PRKCA: variants seen among roughly 807,000 people sequenced by gnomAD.
PRKCA encodes protein kinase C alpha type.
In PRKCA, 27 loss-of-function variants were observed where a neutral mutation model predicts 87.0. The ratio of observed to expected loss-of-function variants is 0.31; its 90% CI spans 0.23 to 0.43. The LOEUF is 0.43. Among genes scored for constraint, PRKCA ranks in the 20% least tolerant of loss-of-function variants. PRKCA has a pLI of 1.00. For missense variants in PRKCA, 518 were observed against 852.3 expected (o/e 0.61, Z 4.88); for synonymous variants, 329 against 311.1 (o/e 1.06, Z -0.61).
intron 2 of PRKCA, among the ~76,000 whole-genome samples, chr17:66,339,550 A>G (rs1191771351): frequency 1.3e-5 from 2 of 152,232 alleles, no homozygotes; most frequent in African/African-American, 2.4e-5. Flanking sequence ...AACTGCTCCT[A>G]TAAAGCAAGT....
At chr17:66,794,435 C>A (rs1157719914) in intron 16 of PRKCA, among the ~76,000 whole-genome samples, 1 of 150,280 alleles carries the variant, frequency 6.7e-6, no homozygotes, top group African/African-American at 2.4e-5. Context: ...ATTTAATTAT[C>A]GAAGCTGGTG....
intron 3 of PRKCA, among the ~76,000 whole-genome samples, chr17:66,616,442 G>C (rs772281511): frequency 6.6e-6 from 1 of 152,180 alleles, no homozygotes; most frequent in Non-Finnish European, 1.5e-5. Flanking sequence ...GTGGCTTTGT[G>C]ATTTGTTTAC....
chr17:66,803,826 A>G lies in PRKCA; in HGVS notation c.1855-47A>G, dbSNP rs1236773220. 3.1e-6 allele frequency: 5 copies of G among 1,598,118 alleles called. No homozygotes were observed. The highest frequency in any genetic ancestry group is 4.3e-6 in the Non-Finnish European group (5 of 1,169,076). ...AGGGCCCTCGGAGAGCTGCTCCCGCATTGTCATGTTGACTGACCTTTCCTT... is the reference window on the plus strand; with the variant it reads ...AGGGCCCTCGGAGAGCTGCTCCCGCGTTGTCATGTTGACTGACCTTTCCTT... On this transcript the variant is annotated intron_variant, in intron 16 of 16. Coordinates refer to ENST00000413366, the MANE Select transcript of PRKCA (RefSeq NM_002737.3). This position sits in a 1 kb window ranked among gnomAD's most constrained non-coding sequence, Gnocchi z 4.4.
rs575450815 is a variant in PRKCA at position 66,545,345 on chromosome 17, C to T, written c.288+49062C>T. ...TCAGGAGGCTGAGGTAGGAGAATGG[C>T]GTGAACCCAAAAGGCGGAGCTTGCA... On this transcript the variant is annotated intron_variant, in intron 3 of 16. Transcript: ENST00000413366. Among the ~76,000 whole-genome samples the T allele has an allele frequency of 1.9e-4, 29 of 152,266 alleles. No individual in the cohort carries two copies. In the South Asian group the frequency reaches 5.6e-3, roughly 29 times the overall value.
intron 2 of PRKCA, among the ~76,000 whole-genome samples, chr17:66,409,053 A>AAAAG (rs1555599882): frequency 4.0e-5 from 6 of 151,110 alleles, no homozygotes; most frequent in South Asian, 2.1e-4. Flanking sequence ...AAAAAAAAAA[A>AAAAG]AAGAAGAAGA....
intron 3 of PRKCA, among the ~76,000 whole-genome samples, chr17:66,612,093 A>T (rs2143644421): frequency 6.8e-6 from 1 of 147,676 alleles, no homozygotes; most frequent in African/African-American, 2.5e-5. Flanking sequence ...AAAAAAAAAG[A>T]TTGGAGGCCA....
intron 5 of PRKCA, among the ~76,000 whole-genome samples, chr17:66,678,455 G>C (rs967036107): frequency 9.2e-5 from 14 of 152,166 alleles, no homozygotes; most frequent in Admixed American, 5.9e-4. Flanking sequence ...GATTACTATT[G>C]ATGTCATCCT....
At chr17:66,505,339 G>A (rs554163775) in intron 3 of PRKCA, among the ~76,000 whole-genome samples, 1 of 152,290 alleles carries the variant, frequency 6.6e-6, no homozygotes, top group South Asian at 2.1e-4. Flanking sequence ...AGGGAAGAGG[G>A]AGGGATGAGT....
At chr17:66,434,292 G>T (rs1316556938) in intron 2 of PRKCA, among the ~76,000 whole-genome samples, 5 of 151,804 alleles carry the variant, frequency 3.3e-5, no homozygotes, top group African/African-American at 1.2e-4. Context: ...AAGACAGCCC[G>T]TCTTCATTAG....
At chr17:66,769,360 A>AG (rs1974882628) in intron 13 of PRKCA, among the ~76,000 whole-genome samples, 1 of 152,048 alleles carries the variant, frequency 6.6e-6, no homozygotes, top group Non-Finnish European at 1.5e-5. Context: ...TGTCTCAAAA[A>AG]AAAAAAAAAA....
chr17:66,799,751 T>A (rs1281147088), intron 16 of PRKCA, among the ~76,000 whole-genome samples: 1 of 151,794 alleles, frequency 6.6e-6, no homozygotes, highest in Non-Finnish European at 1.5e-5. Context: ...GTTCAAGATC[T>A]TCTCCAGTTT....
intron 2 of PRKCA, among the ~76,000 whole-genome samples, chr17:66,487,399 C>T (rs1175217241): frequency 1.3e-5 from 2 of 152,196 alleles, no homozygotes; most frequent in African/African-American, 2.4e-5. Flanking sequence ...AGACATACTA[C>T]GTCTTCCTTA....
At chr17:66,433,197 A>G (rs1913186951) in intron 2 of PRKCA, among the ~76,000 whole-genome samples, 2 of 152,118 alleles carry the variant, frequency 1.3e-5, no homozygotes. Context: ...AAGGCCGTGT[A>G]TACCTCAGTG....
chr17:66,480,802 TTC>T (rs1211983587), intron 2 of PRKCA, among the ~76,000 whole-genome samples: 2 of 152,084 alleles, frequency 1.3e-5, no homozygotes, highest in African/African-American at 4.8e-5. Context: ...AAGCACTGAA[TTC>T]TTAAATGAGA....
chr17:66,331,042 A>G (rs1906293843), intron 2 of PRKCA, among the ~76,000 whole-genome samples: 1 of 152,222 alleles, frequency 6.6e-6, no homozygotes, highest in African/African-American at 2.4e-5. Flanking sequence ...GATGATGCTG[A>G]TAGCCCTGAA....
Position 66,793,830 on chromosome 17 carries a change from G to A in PRKCA, c.1854+4851G>A, listed in dbSNP as rs187092977. Reference sequence around the variant, plus strand: ...TCACCGAGGGAAGGAAAGCACTTTCGGCTTTGCCAGAAAAATAAAAGCTCC... The same window carrying A: ...TCACCGAGGGAAGGAAAGCACTTTCAGCTTTGCCAGAAAAATAAAAGCTCC... On this transcript the variant is annotated intron_variant, in intron 16 of 16. Transcript: ENST00000413366. 1.2e-3 allele frequency among the ~76,000 whole-genome samples: 178 copies of A among 152,208 alleles called. 1 individual carries two copies. The highest frequency in any genetic ancestry group is 3.9e-3 in the African/African-American group (160 of 41,524).
chr17:66,532,899 T>G lies in PRKCA; in HGVS notation c.288+36616T>G, dbSNP rs4791052. 6.0e-3 allele frequency among the ~76,000 whole-genome samples: 921 copies of G among 152,280 alleles called. 6 individuals carry two copies. Among genetic ancestry groups the G allele is most frequent in the Middle Eastern group, 0.041 (12 of 294 alleles). On this transcript the variant is annotated intron_variant, in intron 3 of 16. Coordinates refer to ENST00000413366, the MANE Select transcript of PRKCA (RefSeq NM_002737.3). The stretch of plus-strand genomic sequence containing the variant: ...ATCTGCTGCTGTCGGTGGAATTAGT[T>G]TGCACACACAGCATCCCGGGGAGTG...
At chr17:66,726,531 A>G (rs1973752648) in intron 8 of PRKCA, among the ~76,000 whole-genome samples, 2 of 152,110 alleles carry the variant, frequency 1.3e-5, no homozygotes, top group Admixed American at 1.3e-4. Flanking sequence ...CAGAAGAGGG[A>G]AGGGCGGAGC....
intron 2 of PRKCA, among the ~76,000 whole-genome samples, chr17:66,473,590 A>G (rs1915418089): frequency 6.6e-6 from 1 of 152,192 alleles, no homozygotes; most frequent in Non-Finnish European, 1.5e-5. Flanking sequence ...CTGCGGCACC[A>G]TCCAAAATGA....
Sources: gnomAD v4.1 joint callset for allele counts (sites outside exome capture counted in the v4.1 genomes callset) on GRCh38, gnomAD v4.1.1 for gene constraint, Gnocchi (gnomAD v3.1) non-coding constraint, MANE v1.5 for transcripts, NCBI Gene and HGNC (gene_info 2026-07-23, HGNC 2026-07-21) for gene names.